Variants in ENTREP2 observed in about 807,000 individuals in gnomAD.
ENTREP2 encodes the protein endosomal transmembrane epsin interactor 2.
At chr15:29,487,851 C>A in the ENTREP2 span, among the ~76,000 whole-genome samples, 1 of 152,184 alleles carries the variant, frequency 6.6e-6, no homozygotes, top group East Asian at 1.9e-4. Flanking sequence ...CACCACCACA[C>A]CTGGCTAATT....
At chr15:29,486,190 A>AC in the ENTREP2 span, among the ~76,000 whole-genome samples, 6,617 of 151,846 alleles carry the variant, frequency 0.044, 476 homozygotes, top group African/African-American at 0.15. Context: ...ACACACACAC[A>AC]AACACACAAT....
At chr15:29,235,086 AC>A in the ENTREP2 span, 1 of 1,084,504 alleles carries the variant, frequency 9.2e-7, no homozygotes, top group Non-Finnish European at 1.4e-6. Context: ...AGCCCGAGGG[AC>A]CTTTTCCTCA....
At chr15:29,645,504 G>C in the ENTREP2 span, among the ~76,000 whole-genome samples, 1 of 152,142 alleles carries the variant, frequency 6.6e-6, no homozygotes, top group Non-Finnish European at 1.5e-5. Context: ...CATTACAGTA[G>C]CTTGTTCATG....
At chr15:29,125,122 C>T in the ENTREP2 span, among the ~76,000 whole-genome samples, 3 of 152,142 alleles carry the variant, frequency 2.0e-5, no homozygotes, top group African/African-American at 4.8e-5. Context: ...AGGCGTCAGG[C>T]GGGTGTGTGG....
At chr15:29,161,878 A>G in the ENTREP2 span, among the ~76,000 whole-genome samples, 55 of 152,310 alleles carry the variant, frequency 3.6e-4, no homozygotes, top group African/African-American at 2.4e-4. Context: ...TGTGAATTTT[A>G]GCTCCAGATC....
the ENTREP2 span, among the ~76,000 whole-genome samples, chr15:29,384,427 C>G: frequency 6.6e-6 from 1 of 152,166 alleles, no homozygotes; most frequent in African/African-American, 2.4e-5. Flanking sequence ...TGCCCGATGA[C>G]AGCCTTGTCC....
At chr15:29,571,157 G>C in the ENTREP2 span, among the ~76,000 whole-genome samples, 2 of 151,420 alleles carry the variant, frequency 1.3e-5, no homozygotes, top group African/African-American at 2.4e-5. Context: ...GGCGGGGAAG[G>C]CGCAGGTGCG....
the ENTREP2 span, among the ~76,000 whole-genome samples, chr15:29,365,679 C>A: frequency 6.6e-6 from 1 of 152,030 alleles, no homozygotes; most frequent in South Asian, 2.1e-4. Flanking sequence ...AAATACAGAG[C>A]CGCTTTTAGT....
the ENTREP2 span, chr15:29,610,513 C>G: frequency 6.6e-6 from 1 of 150,566 alleles, no homozygotes; most frequent in South Asian, 2.1e-4. Context: ...AAACAAATAG[C>G]AAAAGCGGTG....
the ENTREP2 span, among the ~76,000 whole-genome samples, chr15:29,185,309 C>T: frequency 6.6e-6 from 1 of 152,118 alleles, no homozygotes; most frequent in African/African-American, 2.4e-5. Context: ...CCAATGCCCT[C>T]CATGCATCTC....
the ENTREP2 span, among the ~76,000 whole-genome samples, chr15:29,559,523 T>C: frequency 6.6e-6 from 1 of 152,080 alleles, no homozygotes; most frequent in Non-Finnish European, 1.5e-5. Context: ...GAGGTGCAAA[T>C]CAGTCTCACT....
chr15:29,281,809 C>T, the ENTREP2 span, among the ~76,000 whole-genome samples: 24 of 152,232 alleles, frequency 1.6e-4, no homozygotes, highest in African/African-American at 5.8e-4. Flanking sequence ...GAGGAACAGA[C>T]TTCACCTGGT....
chr15:29,626,293 A>G, the ENTREP2 span, among the ~76,000 whole-genome samples: 1 of 152,206 alleles, frequency 6.6e-6, no homozygotes, highest in African/African-American at 2.4e-5. Flanking sequence ...CCGACATGTC[A>G]AAGGCAGGGC....
chr15:29,595,228 G>A, the ENTREP2 span, among the ~76,000 whole-genome samples: 1 of 151,974 alleles, frequency 6.6e-6, no homozygotes, highest in East Asian at 1.9e-4. Flanking sequence ...GCTCCAGCCT[G>A]GGCGGCAGAG....
chr15:29,656,049 A>C, the ENTREP2 span, among the ~76,000 whole-genome samples: 3 of 150,670 alleles, frequency 2.0e-5, no homozygotes, highest in South Asian at 6.3e-4. Context: ...AAAAACAACT[A>C]TGTAGGCCAC....
chr15:29,255,711 C>G, the ENTREP2 span, among the ~76,000 whole-genome samples: 12 of 151,914 alleles, frequency 7.9e-5, no homozygotes. Context: ...TAAAAAAGAA[C>G]ACAATCATGG....
the ENTREP2 span, among the ~76,000 whole-genome samples, chr15:29,378,550 G>A: frequency 5.3e-5 from 8 of 152,160 alleles, no homozygotes; most frequent in South Asian, 6.2e-4. Context: ...ACCAGTCAGT[G>A]GAAAGAAGAG....
the ENTREP2 span, among the ~76,000 whole-genome samples, chr15:29,442,280 A>G: frequency 6.6e-6 from 1 of 151,986 alleles, no homozygotes; most frequent in African/African-American, 2.4e-5. Context: ...AACTATTCGA[A>G]CCACCCCATC....
chr15:29,259,666 C>A, the ENTREP2 span, among the ~76,000 whole-genome samples: 1 of 152,080 alleles, frequency 6.6e-6, no homozygotes, highest in African/African-American at 2.4e-5. Context: ...CCTCCTGATT[C>A]TTCATTCTTC....
Sources: gnomAD v4.1 joint callset for allele counts (sites outside exome capture counted in the v4.1 genomes callset) on GRCh38, gnomAD v4.1.1 for gene constraint, MANE v1.5 for transcripts, NCBI Gene and HGNC (gene_info 2026-07-23, HGNC 2026-07-21) for gene names.